KNDC1: variants seen among roughly 807,000 people sequenced by gnomAD.
KNDC1 encodes kinase non-catalytic C-lobe domain containing 1.
A neutral mutation model predicts 172.8 loss-of-function variants in KNDC1; 106 were observed. That is an observed-to-expected ratio of 0.61 (90% CI 0.52 to 0.72). KNDC1 has a LOEUF of 0.72. Ranked by LOEUF, KNDC1 falls within the 30% of genes least tolerant of loss-of-function variation. The pLI, the probability that KNDC1 is intolerant of heterozygous loss-of-function variation, is 0.00. For synonymous variants in KNDC1, 1,083 were observed against 1,062.2 expected (o/e 1.02, Z -0.38); for missense variants, 2,325 against 2,394.5 (o/e 0.97, Z 0.61).
chr10:133,160,519 G>A lies in KNDC1; in HGVS notation c.52G>A (p.Asp18Asn), dbSNP rs772455289. The part of the protein sequence containing the change: ...AADLYEEDGK[D>N]LDFYDFEPLP... The stretch of plus-strand genomic sequence containing the variant: ...GGATCTTTACGAGGAGGACGGCAAA[G>A]ACCTGGACTTCTACGACTTCGAGCC... The change falls in exon 1 of 30, where the codon GAC (aspartate) becomes AAC (asparagine). Residue 18 changes from aspartate (D) to asparagine (N), a missense_variant. Physicochemically the swap from Asp to Asn is conservative, Grantham distance 23. Transcript: ENST00000304613. 3.8e-6 allele frequency: 6 copies of A among 1,592,548 alleles called. No individual in the cohort carries two copies. In the South Asian group the frequency reaches 5.7e-5, roughly 15 times the overall value.
At chr10:133,212,021 GCA>G (rs1021142541) in intron 23 of KNDC1, among the ~76,000 whole-genome samples, 163 bp downstream of exon 23, 2 of 152,130 alleles carry the variant, frequency 1.3e-5, no homozygotes, top group Admixed American at 6.5e-5. Context: ...ACACTTGTGT[GCA>G]CATACATACC....
chr10:133,198,657 C>G lies in KNDC1; in HGVS notation c.2149C>G (p.Leu717Val). The part of the protein sequence containing the change: ...REGEGEEKLS[L>V]EAHAGSPSLK... ...GGGAGAAGGTGAGGAGAAGCTCTCC[C>G]TGGAGGCCCACGCTGGGTCCCCCAG... Residue 717 changes from leucine (L) to valine (V), a missense_variant, in exon 14 of 30, where the codon CTG (leucine) becomes GTG (valine). Physicochemically the swap from Leu to Val is conservative, Grantham distance 32. Coordinates refer to ENST00000304613, the MANE Select transcript of KNDC1 (RefSeq NM_152643.8). 6.2e-7 allele frequency: 1 copy of G among 1,602,702 alleles called. No individual in the cohort carries two copies. The highest frequency in any genetic ancestry group is 8.5e-7 in the Non-Finnish European group (1 of 1,175,752).
intron 3 of KNDC1, among the ~76,000 whole-genome samples, chr10:133,168,710 G>C (rs1164130123): frequency 6.6e-6 from 1 of 152,268 alleles, no homozygotes; most frequent in Non-Finnish European, 1.5e-5. Flanking sequence ...GGGAATCACA[G>C]CTCCTCTGAG....
intron 1 of KNDC1, among the ~76,000 whole-genome samples, chr10:133,164,563 T>C (rs1853085911): frequency 6.6e-6 from 1 of 152,180 alleles, no homozygotes; most frequent in Non-Finnish European, 1.5e-5. Context: ...CCTTCCCAAG[T>C]GTCTGCCACA....
At chr10:133,186,900 C>T (rs1242482340) in intron 6 of KNDC1, among the ~76,000 whole-genome samples, 1 of 152,218 alleles carries the variant, frequency 6.6e-6, no homozygotes, top group Non-Finnish European at 1.5e-5. Context: ...ACGTTTGCCT[C>T]TGGATGACCC....
chr10:133,203,589 G>A (rs1179445038), intron 17 of KNDC1, among the ~76,000 whole-genome samples: 2 of 152,276 alleles, frequency 1.3e-5, no homozygotes, highest in East Asian at 1.9e-4. Context: ...GGTGCCGGCC[G>A]TGTGTGCTGG....
chr10:133,183,430 C>T lies in KNDC1; in HGVS notation c.447C>T (p.Asp149=). The T allele has an allele frequency of 6.2e-7, 1 of 1,605,640 alleles. No homozygotes were observed. Among genetic ancestry groups the T allele is most frequent in the Non-Finnish European group, 8.5e-7 (1 of 1,177,840 alleles). The stretch of plus-strand genomic sequence containing the variant: ...CACTGGAACCCAGGCTGAGCCAAGA[C>T]CTCGAGGCGCTGCTGAGCCGGATGC... ...EPTLEPRLSQ[D]LEALLSRMQA... The change falls in exon 4 of 30, where the codon GAC becomes GAT. Residue 149 remains aspartate (D), a synonymous_variant. Transcript: ENST00000304613.
At chr10:133,211,974 C>T (rs1845376435) in intron 23 of KNDC1, 116 bp downstream of exon 23, 1 of 962,810 alleles carries the variant, frequency 1.0e-6, no homozygotes, top group Non-Finnish European at 1.5e-6. Flanking sequence ...CAAATGGGCA[C>T]AGCTGTATAC....
At chr10:133,169,096 AC>A (rs752127464) in intron 3 of KNDC1, among the ~76,000 whole-genome samples, 2 of 152,218 alleles carry the variant, frequency 1.3e-5, no homozygotes, top group Non-Finnish European at 2.9e-5. Flanking sequence ...CAAATAAGTA[AC>A]TAGGAACTCA....
chr10:133,177,496 GTGTC>G (rs768468057), intron 3 of KNDC1, among the ~76,000 whole-genome samples: 94 of 151,852 alleles, frequency 6.2e-4, no homozygotes, highest in Admixed American at 1.9e-3. Flanking sequence ...AGTATGGTGT[GTGTC>G]ATGGTCATGT....
Position 133,209,841 on chromosome 10 carries a change from G to A in KNDC1, c.3795-770G>A, listed in dbSNP as rs540850794. 1.7e-4 allele frequency among the ~76,000 whole-genome samples: 26 copies of A among 152,166 alleles called. No individual in the cohort carries two copies. The highest frequency in any genetic ancestry group is 6.5e-4 in the Admixed American group (10 of 15,292). ...CTCCTGCCTGAGACTCCTCCAGGGT[G>A]GGAGGAGGCCTTGCCAGGCCTCCGC... On this transcript the variant is annotated intron_variant, in intron 20 of 29. Coordinates refer to ENST00000304613, the MANE Select transcript of KNDC1 (RefSeq NM_152643.8). The surrounding 1 kb of genome is among the most constrained non-coding windows in gnomAD (Gnocchi z 4.9).
intron 9 of KNDC1, among the ~76,000 whole-genome samples, chr10:133,190,348 C>CTAAACACCCTGCAG (rs1854044789): frequency 1.6e-5 from 1 of 60,726 alleles, no homozygotes; most frequent in Non-Finnish European, 5.0e-5. Context: ...ACACCCTGCA[C>CTAAACACCCTGCAG]TAAGCACCCT....
chr10:133,210,235 A>C (rs1845331509), intron 20 of KNDC1, among the ~76,000 whole-genome samples: 1 of 151,848 alleles, frequency 6.6e-6, no homozygotes, highest in South Asian at 2.1e-4. Context: ...AAACACAAAA[A>C]TCAGCCGGGC....
In KNDC1 at chr10:133,209,459, T is replaced by C. The variant is rs984177260; in HGVS notation, c.3795-1152T>C. Among the ~76,000 whole-genome samples the C allele has an allele frequency of 8.0e-5, 12 of 150,296 alleles. No individual in the cohort carries two copies. The highest frequency in any genetic ancestry group is 2.5e-4 in the African/African-American group (10 of 40,698). On this transcript the variant is annotated intron_variant, in intron 20 of 29. Coordinates refer to ENST00000304613, the MANE Select transcript of KNDC1 (RefSeq NM_152643.8). This position sits in a 1 kb window ranked among gnomAD's most constrained non-coding sequence, Gnocchi z 4.9. ...GTGCACGTATGTGTGGTGTGGGGTA[T>C]AGTGTGGCTTGTGTGCGCGTGTGTG...
At chr10:133,189,887 G>GCAT in intron 9 of KNDC1, 74 bp downstream of exon 9, 1 of 1,239,758 alleles carries the variant, frequency 8.1e-7, no homozygotes, top group East Asian at 2.5e-5. Flanking sequence ...CATCTGTCCA[G>GCAT]CAGCCCCCCA....
At chr10:133,213,485 G>A (rs1845413159) in intron 24 of KNDC1, among the ~76,000 whole-genome samples, 160 bp from the exon 25 acceptor site, 1 of 152,210 alleles carries the variant, frequency 6.6e-6, no homozygotes, top group Non-Finnish European at 1.5e-5. Flanking sequence ...AAGCACATGG[G>A]GAGCCCTGCA....
intron 11 of KNDC1, 124 bp downstream of exon 11, chr10:133,197,259 C>A: frequency 1.3e-6 from 1 of 749,594 alleles, no homozygotes; most frequent in Non-Finnish European, 2.3e-6. Flanking sequence ...GACCACCGAG[C>A]TGTGGGTGGG....
Position 133,206,795 on chromosome 10 carries a change from C to T in KNDC1, c.3481+17C>T. The T allele has an allele frequency of 6.2e-7, 1 of 1,613,630 alleles. No individual in the cohort carries two copies. Among genetic ancestry groups the T allele is most frequent in the Non-Finnish European group, 8.5e-7 (1 of 1,179,580 alleles). On this transcript the variant is annotated intron_variant, in intron 18 of 29. Coordinates refer to ENST00000304613, the MANE Select transcript of KNDC1 (RefSeq NM_152643.8). ...GGAACAAAGGTAAGGCCCCTGTGGG[C>T]ACAGGTCCGAGACCCTGGCTGCAGG...
chr10:133,166,083 C>T (rs1386599888), intron 1 of KNDC1, among the ~76,000 whole-genome samples: 1 of 152,230 alleles, frequency 6.6e-6, no homozygotes, highest in South Asian at 2.1e-4. Context: ...TCATCCCTTT[C>T]CTGTGCCTGG....
Sources: allele counts gnomAD v4.1 joint callset (sites outside exome capture counted in the v4.1 genomes callset), GRCh38; gene constraint gnomAD v4.1.1; non-coding constraint Gnocchi (gnomAD v3.1); transcripts MANE v1.5; gene names NCBI Gene and HGNC (gene_info 2026-07-23, HGNC 2026-07-21).